The following DYNAP variants were observed in gnomAD, a reference collection of about 807,000 sequenced individuals.
DYNAP encodes the protein dynactin associated protein.
DYNAP carries 7 observed loss-of-function variants against 8.5 expected under a neutral mutation model. That is an observed-to-expected ratio of 0.82 (90% CI 0.47 to 1.54). DYNAP has a LOEUF of 1.54. Ranked by LOEUF, DYNAP falls within the 40% of genes most tolerant of loss-of-function variation. The pLI is 0.01. For missense variants in DYNAP, 256 were observed against 224.3 expected (o/e 1.14, Z -0.90); for synonymous variants, 77 against 77.9 (o/e 0.99, Z 0.06).
At chr18:54,578,809 A>T in the DYNAP span, among the ~76,000 whole-genome samples, 9 of 151,772 alleles carry the variant, frequency 5.9e-5, no homozygotes, top group South Asian at 2.1e-4. Flanking sequence ...TATTATTATT[A>T]TTTTTTTGAG....
At chr18:54,583,568 A>G (rs1257081707), upstream of DYNAP, among the ~76,000 whole-genome samples, 11 of 152,202 alleles carry the variant, frequency 7.2e-5, no homozygotes, top group Admixed American at 4.6e-4. Flanking sequence ...AATCACTTAC[A>G]TCTTCATAGT....
chr18:54,596,052 C>CT (rs543759202), intron 2 of DYNAP, among the ~76,000 whole-genome samples: 142 of 151,678 alleles, frequency 9.4e-4, no homozygotes, highest in Non-Finnish European at 1.4e-3. Flanking sequence ...TCTGCTAGCT[C>CT]TTTTTTTTAT....
chr18:54,586,387 A>C (rs1214715043), upstream of DYNAP, among the ~76,000 whole-genome samples: 2 of 152,106 alleles, frequency 1.3e-5, no homozygotes, highest in Non-Finnish European at 2.9e-5. Flanking sequence ...ATGATGAGAC[A>C]TGTCTCCACC....
upstream of DYNAP, among the ~76,000 whole-genome samples, chr18:54,585,798 TTC>T (rs1181453017): frequency 6.6e-6 from 1 of 152,100 alleles, no homozygotes; most frequent in Non-Finnish European, 1.5e-5. Flanking sequence ...CAGGTACGAG[TTC>T]TATGAGCTGC....
At chr18:54,576,018 T>C in the DYNAP span, among the ~76,000 whole-genome samples, 1 of 152,242 alleles carries the variant, frequency 6.6e-6, no homozygotes, top group East Asian at 1.9e-4. Context: ...GTGTCTGATA[T>C]CTCTCAGTAA....
chr18:54,584,302 A>G (rs1910807572), upstream of DYNAP, among the ~76,000 whole-genome samples: 1 of 148,654 alleles, frequency 6.7e-6, no homozygotes, highest in Admixed American at 6.7e-5. Context: ...ATTAATATAA[A>G]TATTTAATAA....
upstream of DYNAP, among the ~76,000 whole-genome samples, chr18:54,584,665 C>T (rs111469759): frequency 7.4e-4 from 112 of 152,084 alleles, no homozygotes; most frequent in Admixed American, 1.3e-3. Flanking sequence ...AGTTGTGATA[C>T]CTGGTAGGAA....
upstream of DYNAP, chr18:54,587,998 A>AAAAAGCT (rs1910940398): frequency 2.5e-6 from 1 of 392,932 alleles, no homozygotes; most frequent in African/African-American, 2.1e-5. Flanking sequence ...TCCAACATAC[A>AAAAAGCT]AAAAGCTAAA....
At chr18:54,592,274 T>C (rs1415987528) in intron 1 of DYNAP, among the ~76,000 whole-genome samples, 2 of 150,300 alleles carry the variant, frequency 1.3e-5, no homozygotes, top group Non-Finnish European at 2.9e-5. Flanking sequence ...GATACTCAGA[T>C]GGAAAAAAAA....
At chr18:54,576,534 C>T in the DYNAP span, among the ~76,000 whole-genome samples, 28 of 152,024 alleles carry the variant, frequency 1.8e-4, no homozygotes, top group African/African-American at 6.3e-4. Context: ...CACAGTGGCT[C>T]GCACCTGTAA....
the DYNAP span, among the ~76,000 whole-genome samples, chr18:54,576,644 T>TAA: frequency 9.7e-4 from 146 of 149,936 alleles, 1 homozygote; most frequent in Admixed American, 1.7e-3. Context: ...ACAAAAACAA[T>TAA]AAAAAAAAAT....
chr18:54,583,527 C>A (rs1568238557), upstream of DYNAP, among the ~76,000 whole-genome samples: 4 of 152,122 alleles, frequency 2.6e-5, no homozygotes, highest in Non-Finnish European at 5.9e-5. Context: ...ACTGCCAATC[C>A]AAATGTCTAC....
At chr18:54,585,772 A>G (rs935985461), upstream of DYNAP, among the ~76,000 whole-genome samples, 1 of 152,128 alleles carries the variant, frequency 6.6e-6, no homozygotes, top group African/African-American at 2.4e-5. Context: ...TCATTGTTCC[A>G]TATCCAAACC....
At chr18:54,582,786 C>T (rs1378136852), upstream of DYNAP, among the ~76,000 whole-genome samples, 1 of 152,178 alleles carries the variant, frequency 6.6e-6, no homozygotes, top group African/African-American at 2.4e-5. Context: ...TCTTTGACCT[C>T]ATATATCTTT....
At chr18:54,576,111 T>C in the DYNAP span, among the ~76,000 whole-genome samples, 1 of 152,242 alleles carries the variant, frequency 6.6e-6, no homozygotes, top group South Asian at 2.1e-4. Context: ...TGTTGTTTAA[T>C]ACTGTGCCAT....
the DYNAP span, among the ~76,000 whole-genome samples, chr18:54,579,432 G>T: frequency 6.6e-6 from 1 of 152,148 alleles, no homozygotes; most frequent in Non-Finnish European, 1.5e-5. Flanking sequence ...TATATGCTCT[G>T]CAAGTCCAAT....
At chr18:54,597,169 T>G (rs929901532) in intron 2 of DYNAP, among the ~76,000 whole-genome samples, 1 of 152,062 alleles carries the variant, frequency 6.6e-6, no homozygotes, top group Non-Finnish European at 1.5e-5. Flanking sequence ...CTAGTGACTT[T>G]ATCAATGTTA....
upstream of DYNAP, chr18:54,591,147 T>G (rs1911054173): frequency 1.3e-6 from 2 of 1,485,982 alleles, no homozygotes; most frequent in Admixed American, 4.3e-5. Context: ...GTATTTAGTT[T>G]AATCCACACT....
At chr18:54,576,902 A>G in the DYNAP span, among the ~76,000 whole-genome samples, 1 of 152,204 alleles carries the variant, frequency 6.6e-6, no homozygotes, top group African/African-American at 2.4e-5. Context: ...CTATTTGCAT[A>G]GTGTTACTTT....
Sources: gnomAD v4.1 joint callset for allele counts (sites outside exome capture counted in the v4.1 genomes callset) on GRCh38, gnomAD v4.1.1 for gene constraint, MANE v1.5 for transcripts, NCBI Gene and HGNC (gene_info 2026-07-23, HGNC 2026-07-21) for gene names.